The following GARRE1 variants were observed in gnomAD, a reference collection of about 807,000 sequenced individuals.
The protein encoded by GARRE1 is granule associated Rac and RHOG effector protein 1.
A neutral mutation model predicts 103.2 loss-of-function variants in GARRE1; 49 were observed. The observed-to-expected ratio is 0.47, with a 90% CI of 0.38 to 0.60. The LOEUF (loss-of-function observed/expected upper bound fraction) is 0.60. Among genes scored for constraint, GARRE1 ranks in the 20% least tolerant of loss-of-function variants. The probability of loss-of-function intolerance (pLI) is 0.00; values close to 1 mark genes in which losing one functional copy is unlikely to be tolerated. For missense variants in GARRE1, 1,199 were observed against 1,370.5 expected (o/e 0.87, Z 1.98); for synonymous variants, 505 against 532.8 (o/e 0.95, Z 0.72).
Position 34,328,128 on chromosome 19 carries a change from G to C in GARRE1, c.1081G>C (p.Ala361Pro), listed in dbSNP as rs1334316802. The change falls in exon 6 of 14, where the codon GCC (alanine) becomes CCC (proline). Residue 361 changes from alanine (A) to proline (P), a missense_variant. By Grantham distance (27) the Ala-to-Pro change is conservative. Coordinates refer to ENST00000299505, the MANE Select transcript of GARRE1 (RefSeq NM_014686.5). ...GGGCGTCTCCTTTAATGAGTCGGCC[G>C]CCGACAATCTGAAACTTAAGACGGT... ...LKGVSFNESA[A>P]DNLKLKTHTM... 1 of 1,613,828 alleles carries C rather than the reference G, an allele frequency of 6.2e-7. No individual in the cohort carries two copies. The highest frequency in any genetic ancestry group is 1.3e-5 in the African/African-American group (1 of 74,922).
chr19:34,318,554 C>G (rs531543295), intron 2 of GARRE1, among the ~76,000 whole-genome samples: 44 of 152,178 alleles, frequency 2.9e-4, no homozygotes, highest in African/African-American at 1.0e-3. Flanking sequence ...TCTGCATAAG[C>G]CAAAGAAATA....
rs59980177 is a variant in GARRE1, at chr19:34,304,096, ATT to A, written c.495+3142_495+3143del. On this transcript the variant is annotated intron_variant, in intron 2 of 13. Coordinates refer to ENST00000299505, the MANE Select transcript of GARRE1 (RefSeq NM_014686.5). Reference sequence around the variant, plus strand: ...ATTCTACTTTGGATCTATCTTTGTAATTTTTTTTTTTTTTTAGACAGAGTCTT... The same window carrying A: ...ATTCTACTTTGGATCTATCTTTGTAATTTTTTTTTTTTTAGACAGAGTCTT... Among the ~76,000 whole-genome samples, 1,286 of 147,862 alleles carry A rather than the reference ATT, an allele frequency of 8.7e-3. 9 individuals are homozygous for A. Among genetic ancestry groups the A allele is most frequent in the African/African-American group, 0.028 (1,137 of 39,998 alleles).
At chr19:34,318,922 A>C (rs2074072193) in intron 2 of GARRE1, among the ~76,000 whole-genome samples, 1 of 152,130 alleles carries the variant, frequency 6.6e-6, no homozygotes, top group African/African-American at 2.4e-5. Flanking sequence ...CACCGAGGTC[A>C]GAGAATCGCT....
At position 34,328,036 on chromosome 19, in the gene GARRE1, C is replaced by T. The variant is rs780526895; in HGVS notation, c.989C>T (p.Thr330Ile). The change falls in exon 6 of 14, where the codon ACA becomes ATA. Residue 330 changes from threonine to isoleucine, a missense_variant. Thr to Ile is a moderately conservative substitution (Grantham distance 89). Coordinates refer to ENST00000299505, the MANE Select transcript of GARRE1 (RefSeq NM_014686.5). ...AEAQQTGRRQ[T>I]PPQPMQCELP... ...GCCCAGCAGACGGGGCGGAGGCAGACACCCCCGCAGCCCATGCAGTGTGAG... is the reference window on the plus strand; with the variant it reads ...GCCCAGCAGACGGGGCGGAGGCAGATACCCCCGCAGCCCATGCAGTGTGAG... 1 of 1,614,154 alleles carries T rather than the reference C, an allele frequency of 6.2e-7. No homozygotes were observed. Among genetic ancestry groups the T allele is most frequent in the Non-Finnish European group, 8.5e-7 (1 of 1,180,026 alleles).
chr19:34,271,528 GT>G (rs2073787925), intron 1 of GARRE1, among the ~76,000 whole-genome samples: 1 of 151,964 alleles, frequency 6.6e-6, no homozygotes, highest in Non-Finnish European at 1.5e-5. Context: ...GATTACAGGT[GT>G]GAGCCACCAC....
At chr19:34,304,614 G>C (rs1049286196) in intron 2 of GARRE1, among the ~76,000 whole-genome samples, 2 of 151,832 alleles carry the variant, frequency 1.3e-5, no homozygotes, top group African/African-American at 4.8e-5. Context: ...CTGACCTCAA[G>C]TGATCCACCT....
At chr19:34,342,906 C>T (rs1290763387) in intron 10 of GARRE1, among the ~76,000 whole-genome samples, 2 of 151,826 alleles carry the variant, frequency 1.3e-5, no homozygotes, top group African/African-American at 2.4e-5. Context: ...TCATAGAATA[C>T]AGCTTCTCCT....
chr19:34,302,142 C>T (rs1421947527), intron 2 of GARRE1, among the ~76,000 whole-genome samples: 1 of 151,236 alleles, frequency 6.6e-6, no homozygotes, highest in Non-Finnish European at 1.5e-5. Context: ...AGGCATGCGC[C>T]ACCATGCCCG....
chr19:34,348,872 A>T, intron 11 of GARRE1, 144 bp from the exon 12 acceptor site: 1 of 884,006 alleles, frequency 1.1e-6, no homozygotes, highest in Non-Finnish European at 1.7e-6. Flanking sequence ...AAAGGAGGAA[A>T]ACCTCACGTT....
intron 1 of GARRE1, among the ~76,000 whole-genome samples, chr19:34,257,943 G>T (rs1417118012): frequency 6.8e-6 from 1 of 146,596 alleles, no homozygotes; most frequent in Non-Finnish European, 1.5e-5. Flanking sequence ...AGACTGGAGT[G>T]CAGTGGCTCG....
intron 13 of GARRE1, among the ~76,000 whole-genome samples, chr19:34,352,134 C>CT: frequency 6.7e-6 from 1 of 149,920 alleles, no homozygotes; most frequent in East Asian, 2.0e-4. Context: ...GGCGCAGTGG[C>CT]GACGCCTGTA....
At chr19:34,328,868 A>G (rs1211924976) in intron 6 of GARRE1, among the ~76,000 whole-genome samples, 2 of 152,174 alleles carry the variant, frequency 1.3e-5, no homozygotes, top group African/African-American at 4.8e-5. Flanking sequence ...TTGGCCTCCA[A>G]AAGTCCTGGG....
intron 1 of GARRE1, among the ~76,000 whole-genome samples, chr19:34,290,993 G>A (rs1464550159): frequency 2.3e-5 from 3 of 129,742 alleles, no homozygotes; most frequent in African/African-American, 8.7e-5. Flanking sequence ...TGCAACCTCC[G>A]CCTCCCAGGT....
At chr19:34,293,513 A>G (rs1243191863) in intron 1 of GARRE1, among the ~76,000 whole-genome samples, 1 of 150,832 alleles carries the variant, frequency 6.6e-6, no homozygotes, top group Admixed American at 6.6e-5. Flanking sequence ...CTCCCACCTT[A>G]GCCTCCCGAG....
At chr19:34,295,034 C>T (rs1360180409) in intron 1 of GARRE1, among the ~76,000 whole-genome samples, 2 of 152,194 alleles carry the variant, frequency 1.3e-5, no homozygotes, top group African/African-American at 2.4e-5. Context: ...TCTCCTCCCT[C>T]TCCAGATGAG....
intron 1 of GARRE1, among the ~76,000 whole-genome samples, chr19:34,290,519 A>G (rs1015150696): frequency 2.0e-5 from 3 of 152,088 alleles, no homozygotes; most frequent in Non-Finnish European, 4.4e-5. Flanking sequence ...TCTCTTAGAG[A>G]CAGGGTTTTA....
Position 34,320,071 on chromosome 19 carries a change from A to G in GARRE1, c.660A>G (p.Thr220=). 2 of 1,614,232 alleles carry G rather than the reference A, an allele frequency of 1.2e-6. No individual in the cohort carries two copies. The highest frequency in any genetic ancestry group is 1.7e-6 in the Non-Finnish European group (2 of 1,180,042). ...SGGGLSGMGH[T]PEVEEAVRSW... is the part of the protein sequence containing the mutation. ...GCGGCTTATCTGGCATGGGCCACAC[A>G]CCTGAAGTAGAGGAAGCTGTGCGGT... Residue 220 remains threonine, a synonymous_variant, in exon 3 of 14, where the codon ACA becomes ACG. Coordinates refer to ENST00000299505, the MANE Select transcript of GARRE1 (RefSeq NM_014686.5).
chr19:34,264,402 T>C (rs1231794997), intron 1 of GARRE1, among the ~76,000 whole-genome samples: 1 of 152,004 alleles, frequency 6.6e-6, no homozygotes, highest in Admixed American at 6.6e-5. Flanking sequence ...ACATGTCTTT[T>C]TTTTTTTGGA....
chr19:34,295,420 A>G (rs1049745731), intron 1 of GARRE1, among the ~76,000 whole-genome samples: 1 of 151,922 alleles, frequency 6.6e-6, no homozygotes, highest in Non-Finnish European at 1.5e-5. Context: ...GTAGTAGAGA[A>G]TTTTGGTCAG....
Sources: gnomAD v4.1 joint callset for allele counts (sites outside exome capture counted in the v4.1 genomes callset) on GRCh38, gnomAD v4.1.1 for gene constraint, MANE v1.5 for transcripts, NCBI Gene and HGNC (gene_info 2026-07-23, HGNC 2026-07-21) for gene names.